The following DTD2 variants were observed in gnomAD, a reference collection of about 807,000 sequenced individuals.
The protein encoded by DTD2 is D-aminoacyl-tRNA deacylase 2.
In DTD2, 12 loss-of-function variants were observed where a neutral mutation model predicts 15.5. The observed-to-expected ratio is 0.77, with a 90% confidence interval of 0.50 to 1.25. DTD2 has a LOEUF of 1.25. Ranked by LOEUF, DTD2 falls within the 50% of genes most tolerant of loss-of-function variation. DTD2 has a pLI of 0.00. For missense variants in DTD2, 170 were observed against 201.1 expected, an observed-to-expected ratio of 0.85 and a Z score of 0.93; for synonymous variants, 59 against 77.3, an observed-to-expected ratio of 0.76 and a Z score of 1.24.
At chr14:31,457,180 G>T in intron 1 of DTD2, 103 bp downstream of exon 1, 2 of 1,124,266 alleles carry the variant, frequency 1.8e-6, no homozygotes, top group Non-Finnish European at 2.5e-6. Flanking sequence ...CGGCCGGACC[G>T]CCGGTCTCAG....
chr14:31,452,835 A>G (rs115189718), intron 2 of DTD2: 4,839 of 153,096 alleles, frequency 0.032, 206 homozygotes, highest in Admixed American at 0.12. Context: ...TCCCATGAAT[A>G]TGTAAAATTA....
chr14:31,451,338 C>T (rs1366575379), intron 2 of DTD2, among the ~76,000 whole-genome samples: 7 of 151,788 alleles, frequency 4.6e-5, no homozygotes, highest in African/African-American at 7.3e-5. Flanking sequence ...TTAGTAGAGA[C>T]GGGGTTTCAC....
In DTD2 at chr14:31,448,393, C is replaced by T. The variant is rs747100424; in HGVS notation, c.243G>A (p.Leu81=). Residue 81 remains leucine, a synonymous_variant, in exon 3 of 3, where the codon TTG becomes TTA. Coordinates refer to ENST00000310850, the MANE Select transcript of DTD2 (RefSeq NM_080664.3). ...TAATAAGAATGTTGCCAGGTAGATC[C>T]AATATAGAGACATGCTTGCCATTTT... is the stretch of plus-strand genomic sequence containing the variant. ...ETENGKHVSI[L]DLPGNILIIP... is the part of the protein sequence containing the mutation. 1.9e-6 allele frequency: 3 copies of T among 1,614,022 alleles called. No individual in the cohort carries two copies. Among genetic ancestry groups the T allele is most frequent in the East Asian group, 4.5e-5 (2 of 44,868 alleles).
At chr14:31,455,991 G>A (rs1033765728) in intron 1 of DTD2, among the ~76,000 whole-genome samples, 10 of 152,206 alleles carry the variant, frequency 6.6e-5, no homozygotes, top group African/African-American at 2.4e-4. Context: ...GGAAAGGAGA[G>A]AGATAAGAAT....
Position 31,447,819 on chromosome 14 carries a change from C to CA in DTD2, c.*309dup, listed in dbSNP as rs201669408. 0.025 allele frequency: 4,632 copies of CA among 186,834 alleles called. 139 individuals carry two copies. The highest frequency in any genetic ancestry group is 0.11 in the Admixed American group (1,747 of 15,840). 11.6% of individuals were successfully genotyped at this position (186,834 alleles called of 1,614,324 possible). A position where few individuals can be genotyped will look rare whatever the true frequency, so the allele number is the denominator to read the frequency against. The stretch of plus-strand genomic sequence containing the variant: ...CTGGCGACAGAGCAAGACTCCATCT[C>CA]AAAAAAAAAACAAAAACAAAAAAAC... On this transcript the variant is annotated 3_prime_UTR_variant, in exon 3 of 3. Coordinates refer to ENST00000310850, the MANE Select transcript of DTD2 (RefSeq NM_080664.3).
In DTD2 at chr14:31,457,419, C is replaced by G. The variant is rs759404955; in HGVS notation, c.-26G>C. The stretch of plus-strand genomic sequence containing the variant: ...GGCTTAAGCCAGCGCCGCGGCCGGA[C>G]AGTTACTAGGCCATGTGTCGCTGGC... On this transcript the variant is annotated 5_prime_UTR_variant, in exon 1 of 3. Transcript: ENST00000310850. 23 of 1,453,578 alleles carry G rather than the reference C, an allele frequency of 1.6e-5. No individual in the cohort carries two copies. Among genetic ancestry groups the G allele is most frequent in the African/African-American group, 4.3e-5 (3 of 69,302 alleles). The allele number at this position is 1,453,578 out of a possible 1,614,324, so 90.0% of individuals were successfully genotyped here.
At position 31,448,294 on chromosome 14, in the gene DTD2, T is replaced by A. The variant is rs553222866; in HGVS notation, c.342A>T (p.Glu114Asp). 1 of 1,614,190 alleles carries A rather than the reference T, an allele frequency of 6.2e-7. No homozygotes were observed. The highest frequency in any genetic ancestry group is 8.5e-7 in the Non-Finnish European group (1 of 1,180,034). Residue 114 changes from glutamate to aspartate, a missense_variant, in exon 3 of 3, where the codon GAA becomes GAT. Glu to Asp is a conservative substitution (Grantham distance 45). Coordinates refer to ENST00000310850, the MANE Select transcript of DTD2 (RefSeq NM_080664.3). The part of the protein sequence containing the change: ...MQYHSNSGKE[E>D]GFELYSQFVT... ...CAAATTGAGAGTAAAGTTCAAACCC[T>A]TCTTCTTTTCCAGAGTTAGAGTGAT... is the stretch of plus-strand genomic sequence containing the variant.
chr14:31,447,930 A>T lies in DTD2; in HGVS notation c.*199T>A. On this transcript the variant is annotated 3_prime_UTR_variant, in exon 3 of 3. Transcript: ENST00000310850. ...GTAGAAGGGTAGAGGAATGTAGGAC[A>T]AAAGGTGACTGAGATCCAGAGTTTA... 1.8e-6 allele frequency: 1 copy of T among 543,522 alleles called. No homozygotes were observed. 33.7% of individuals were successfully genotyped at this position (543,522 alleles called of 1,614,324 possible). A position where few individuals can be genotyped will look rare whatever the true frequency, so the allele number is the denominator to read the frequency against.
chr14:31,454,207 G>C (rs1288020881), intron 1 of DTD2, among the ~76,000 whole-genome samples: 1 of 152,148 alleles, frequency 6.6e-6, no homozygotes, highest in Non-Finnish European at 1.5e-5. Flanking sequence ...TGCTATATTA[G>C]TGTTTATTAA....
chr14:31,448,221 C>A lies in DTD2; in HGVS notation c.415G>T (p.Ala139Ser). 1 of 1,614,210 alleles carries A rather than the reference C, an allele frequency of 6.2e-7. No individual in the cohort carries two copies. The highest frequency in any genetic ancestry group is 8.5e-7 in the Non-Finnish European group (1 of 1,180,038). Residue 139 changes from alanine to serine, a missense_variant, in exon 3 of 3, where the codon GCT becomes TCT. Coordinates refer to ENST00000310850, the MANE Select transcript of DTD2 (RefSeq NM_080664.3). ...EVAANSKCAEARVVVEHGTYG... is the reference protein window; with the variant it reads ...EVAANSKCAESRVVVEHGTYG... ...GTGCCATGTTCCACTACAACCCTAGCTTCAGCACACTTGCTATTAGCAGCT... is the reference window on the plus strand; with the variant it reads ...GTGCCATGTTCCACTACAACCCTAGATTCAGCACACTTGCTATTAGCAGCT...
intron 1 of DTD2, among the ~76,000 whole-genome samples, chr14:31,456,249 G>C (rs2032093459): frequency 6.6e-6 from 1 of 152,108 alleles, no homozygotes; most frequent in African/African-American, 2.4e-5. Context: ...AAGTTAGCGT[G>C]GTAGCTTGCG....
chr14:31,448,820 TA>T lies in DTD2; in HGVS notation c.182-367del, dbSNP rs561544262. On this transcript the variant is annotated intron_variant, in intron 2 of 2. Coordinates refer to ENST00000310850, the MANE Select transcript of DTD2 (RefSeq NM_080664.3). ...CTTCCTGTTCTTTTTATTTAGTAAG[TA>T]AATCCCACTGGAAAAATATGAGGAT... Among the ~76,000 whole-genome samples, 8 of 152,326 alleles carry T rather than the reference TA, an allele frequency of 5.3e-5. No homozygotes were observed. In the South Asian group the frequency reaches 1.7e-3, roughly 32 times the overall value.
intron 2 of DTD2, among the ~76,000 whole-genome samples, chr14:31,450,219 T>G (rs977204627): frequency 6.6e-6 from 1 of 152,228 alleles, no homozygotes; most frequent in African/African-American, 2.4e-5. Context: ...AATTGAGATT[T>G]CAGTTAATGC....
At chr14:31,457,243 G>A in intron 1 of DTD2, 40 bp downstream of exon 1, 13 of 1,525,090 alleles carry the variant, frequency 8.5e-6, no homozygotes, top group East Asian at 2.5e-5. Flanking sequence ...AAACCGCCCC[G>A]CACGCCGGAG....
Position 31,451,550 on chromosome 14 carries a change from A to G in DTD2, c.181+1725T>C, listed in dbSNP as rs117579788. ...ATCTTCTGGATTCAAATTTCAAACT[A>G]TTGCAGTTACTGGCTTTCCATTCTC... On this transcript the variant is annotated intron_variant, in intron 2 of 2. Transcript: ENST00000310850. Among the ~76,000 whole-genome samples, 425 of 152,008 alleles carry G rather than the reference A, an allele frequency of 2.8e-3. 6 individuals carry two copies. The highest frequency in any genetic ancestry group is 0.012 in the South Asian group (58 of 4,820).
intron 1 of DTD2, among the ~76,000 whole-genome samples, chr14:31,456,258 C>G (rs1007917346): frequency 1.8e-4 from 27 of 152,166 alleles, no homozygotes; most frequent in African/African-American, 6.5e-4. Flanking sequence ...TGGTAGCTTG[C>G]GCCTGTTGTC....
chr14:31,456,608 G>A (rs2032097370), intron 1 of DTD2, among the ~76,000 whole-genome samples: 1 of 151,990 alleles, frequency 6.6e-6, no homozygotes, highest in African/African-American at 2.4e-5. Flanking sequence ...TACGTCAGAG[G>A]CCTTAAAGAA....
At chr14:31,452,924 T>A (rs2032053924) in intron 2 of DTD2, 1 of 163,010 alleles carries the variant, frequency 6.1e-6, no homozygotes, top group South Asian at 1.8e-4. Context: ...TCTATTACTA[T>A]TCTTTCTCAC....
At chr14:31,451,374 T>C (rs1452373405) in intron 2 of DTD2, among the ~76,000 whole-genome samples, 1 of 152,098 alleles carries the variant, frequency 6.6e-6, no homozygotes, top group Non-Finnish European at 1.5e-5. Context: ...GGTCTTGATC[T>C]CCTGACCTCG....
Sources: allele counts gnomAD v4.1 joint callset (sites outside exome capture counted in the v4.1 genomes callset), GRCh38; gene constraint gnomAD v4.1.1; transcripts MANE v1.5; gene names NCBI Gene and HGNC (gene_info 2026-07-23, HGNC 2026-07-21).